Variants in RWDD4 observed in about 807,000 individuals in gnomAD.
RWDD4 encodes the protein RWD domain-containing protein 4.
RWDD4 carries 16 observed loss-of-function variants against 30.0 expected under a neutral mutation model. That is an observed-to-expected ratio of 0.53 (90% CI 0.36 to 0.81). The LOEUF (loss-of-function observed/expected upper bound fraction) is 0.81, where lower values mean the gene tolerates loss of function less well. RWDD4 is among the 30% of genes least tolerant of loss of function. The probability of loss-of-function intolerance (pLI) is 0.00; values close to 1 mark genes in which losing one functional copy is unlikely to be tolerated. For missense variants in RWDD4, 170 were observed against 223.9 expected (o/e 0.76, Z 1.54); for synonymous variants, 45 against 72.1 (o/e 0.62, Z 1.90).
At chr4:183,647,730 T>C (rs2111235847) in intron 5 of RWDD4, among the ~76,000 whole-genome samples, 1 of 152,376 alleles carries the variant, frequency 6.6e-6, no homozygotes. Context: ...CAACAAACTG[T>C]AATGGCTAAC....
chr4:183,656,040 G>T, intron 1 of RWDD4, 79 bp from the exon 2 acceptor site: 1 of 941,434 alleles, frequency 1.1e-6, no homozygotes, highest in Non-Finnish European at 1.7e-6. Flanking sequence ...TCTCATTCAA[G>T]CCCACTCAAC....
At position 183,642,424 on chromosome 4, in the gene RWDD4, C is replaced by CAA. The variant is rs566248341; in HGVS notation, c.535-957_535-956insTT. Among the ~76,000 whole-genome samples the CAA allele has an allele frequency of 1.3e-4, 11 of 85,262 alleles. 5 individuals are homozygous for CAA. The highest frequency in any genetic ancestry group is 6.8e-4 in the South Asian group (2 of 2,960). The allele number at this position is 85,262 out of a possible 152,430, so 55.9% of individuals were successfully genotyped here. ...CAGGATGGTCTCGATCTCCTGACCTCGTGATCCGCCCGCCTCGGCCTCCCA... is the reference window on the plus strand; with the variant it reads ...CAGGATGGTCTCGATCTCCTGACCTCAAGTGATCCGCCCGCCTCGGCCTCCCA... On this transcript the variant is annotated intron_variant, in intron 7 of 7. Coordinates refer to ENST00000326397, the MANE Select transcript of RWDD4 (RefSeq NM_152682.4).
intron 4 of RWDD4, among the ~76,000 whole-genome samples, chr4:183,650,691 G>A (rs1206615776): frequency 6.6e-6 from 1 of 151,930 alleles, no homozygotes; most frequent in African/African-American, 2.4e-5. Context: ...TAAGCTTTAT[G>A]GAGAGATTAA....
At chr4:183,648,803 T>C (rs79940839) in intron 5 of RWDD4, among the ~76,000 whole-genome samples, 2 of 152,178 alleles carry the variant, frequency 1.3e-5, no homozygotes, top group African/African-American at 4.8e-5. Flanking sequence ...CCTTTTTTTT[T>C]CAAATGGTGA....
At chr4:183,650,797 TATA>T (rs1734058338) in intron 4 of RWDD4, among the ~76,000 whole-genome samples, 184 bp downstream of exon 4, 1 of 152,208 alleles carries the variant, frequency 6.6e-6, no homozygotes, top group African/African-American at 2.4e-5. Context: ...ATCTAGAGAA[TATA>T]ATATCATTTT....
intron 2 of RWDD4, among the ~76,000 whole-genome samples, chr4:183,654,867 C>A (rs1734152721): frequency 6.6e-6 from 1 of 152,108 alleles, no homozygotes; most frequent in Non-Finnish European, 1.5e-5. Flanking sequence ...ATAGTTTAAA[C>A]TGTGACAATG....
intron 7 of RWDD4, among the ~76,000 whole-genome samples, chr4:183,644,737 C>T (rs1255345058): frequency 2.0e-5 from 3 of 151,526 alleles, no homozygotes; most frequent in Non-Finnish European, 2.9e-5. Context: ...GAGATCATGC[C>T]ACTGAGATCC....
intron 7 of RWDD4, among the ~76,000 whole-genome samples, chr4:183,643,094 A>C (rs1211694809): frequency 7.5e-6 from 1 of 132,636 alleles, no homozygotes. Context: ...AAATAAATAA[A>C]TAAATAAATA....
chr4:183,651,507 T>C (rs1734076348), intron 2 of RWDD4, among the ~76,000 whole-genome samples, 180 bp from the exon 3 acceptor site: 2 of 152,192 alleles, frequency 1.3e-5, no homozygotes, highest in South Asian at 2.1e-4. Flanking sequence ...CTCAGGACAG[T>C]CTGACTTTAA....
chr4:183,647,310 A>G (rs2111235251), intron 5 of RWDD4, among the ~76,000 whole-genome samples: 1 of 152,326 alleles, frequency 6.6e-6, no homozygotes, highest in East Asian at 1.9e-4. Context: ...CATTATATGA[A>G]TTTTCCAGCT....
At chr4:183,645,892 TATC>T (rs1282357901) in intron 7 of RWDD4, among the ~76,000 whole-genome samples, 1 of 152,204 alleles carries the variant, frequency 6.6e-6, no homozygotes. Context: ...GAATCTGCGT[TATC>T]TTTTCTTTTC....
At chr4:183,653,525 C>A (rs1734124830) in intron 2 of RWDD4, 1 of 152,166 alleles carries the variant, frequency 6.6e-6, no homozygotes, top group African/African-American at 2.4e-5. Flanking sequence ...TTAACTGTAA[C>A]TGAATCAATT....
rs768717214 is a variant in RWDD4 at position 183,655,912 on chromosome 4, C to T, written c.74G>A (p.Arg25Gln). The change falls in exon 2 of 8, where the codon CGG becomes CAG. Residue 25 changes from arginine (R) to glutamine (Q), a missense_variant. Transcript: ENST00000326397. The stretch of plus-strand genomic sequence containing the variant: ...TTGAAAAGAAACTGGACTTAATTCC[C>T]GGAAACTTTCATCTCCTTCATAAAT... ...RSIYEGDESF[R>Q]ELSPVSFQYR... The T allele has an allele frequency of 7.4e-6, 12 of 1,611,208 alleles. No homozygotes were observed. Among genetic ancestry groups the T allele is most frequent in the Middle Eastern group, 1.8e-4 (1 of 5,560 alleles).
rs940915518 is a variant in RWDD4, at chr4:183,659,178, T to G, written c.-226A>C. On this transcript the variant is annotated 5_prime_UTR_variant, in exon 1 of 8. Transcript: ENST00000326397. Reference sequence around the variant, plus strand: ...AGCCGGAGCCGCGGCTGGTGGGGCCTGGGAAGTGCAGCGTCTCCCTGACGC... The same window carrying G: ...AGCCGGAGCCGCGGCTGGTGGGGCCGGGGAAGTGCAGCGTCTCCCTGACGC... 2.5e-6 allele frequency: 1 copy of G among 394,958 alleles called. No homozygotes were observed. Among genetic ancestry groups the G allele is most frequent in the Non-Finnish European group, 4.4e-6 (1 of 224,748 alleles). 24.5% of individuals were successfully genotyped at this position (394,958 alleles called of 1,614,324 possible).
intron 2 of RWDD4, among the ~76,000 whole-genome samples, chr4:183,652,704 G>A (rs1287217205): frequency 6.6e-6 from 1 of 151,798 alleles, no homozygotes; most frequent in African/African-American, 2.4e-5. Flanking sequence ...CAGCTGCTCA[G>A]GAGGCTGAGG....
At chr4:183,655,189 C>T (rs1462691167) in intron 2 of RWDD4, among the ~76,000 whole-genome samples, 1 of 152,064 alleles carries the variant, frequency 6.6e-6, no homozygotes, top group Non-Finnish European at 1.5e-5. Context: ...GATCCGCCTG[C>T]CTCGGCCTCT....
intron 5 of RWDD4, among the ~76,000 whole-genome samples, chr4:183,646,909 T>C (rs1049993303): frequency 1.3e-5 from 2 of 152,234 alleles, no homozygotes; most frequent in Non-Finnish European, 2.9e-5. Flanking sequence ...TAAGTTGTAT[T>C]GTTCTGTTTA....
intron 7 of RWDD4, among the ~76,000 whole-genome samples, chr4:183,646,120 T>G (rs6552693): frequency 0.26 from 39,651 of 152,006 alleles, 6,264 homozygotes; most frequent in African/African-American, 0.44. Context: ...GCCAAGCTAG[T>G]CTCGAACTCC....
chr4:183,658,519 G>C (rs907978188), intron 1 of RWDD4, among the ~76,000 whole-genome samples: 1 of 152,202 alleles, frequency 6.6e-6, no homozygotes, highest in African/African-American at 2.4e-5. Context: ...TCTTCCATGA[G>C]AAATGTAACT....
Sources: gnomAD v4.1 joint callset for allele counts (sites outside exome capture counted in the v4.1 genomes callset) on GRCh38, gnomAD v4.1.1 for gene constraint, MANE v1.5 for transcripts, NCBI Gene and HGNC (gene_info 2026-07-23, HGNC 2026-07-21) for gene names.